HPSE2: variants seen among roughly 807,000 people sequenced by gnomAD.
The protein encoded by HPSE2 is heparanase 2 (inactive), also known as inactive heparanase-2.
Under a neutral mutation model 60.5 loss-of-function variants are expected in HPSE2, and 38 were observed. The observed-to-expected ratio is 0.63, with a 90% CI of 0.48 to 0.82. The LOEUF is 0.82. Ranked by LOEUF, HPSE2 falls within the 40% of genes least tolerant of loss-of-function variation. The pLI is 0.00. For missense variants in HPSE2, 713 were observed against 740.4 expected (o/e 0.96, Z 0.43); for synonymous variants, 295 against 293.2 (o/e 1.01, Z -0.06).
the HPSE2 span, among the ~76,000 whole-genome samples, chr10:99,313,959 G>A: frequency 3.3e-5 from 5 of 151,906 alleles, no homozygotes; most frequent in Admixed American, 2.0e-4. Context: ...ATAGCATCAC[G>A]TGCTACAGAG....
In HPSE2 at chr10:98,715,257, C is replaced by G. The variant is rs1409959222; in HGVS notation, c.956+6400G>C. On this transcript the variant is annotated intron_variant, in intron 5 of 11. Coordinates refer to ENST00000370552, the MANE Select transcript of HPSE2 (RefSeq NM_021828.5). ...TTAGTGTTGTATCTAAGAAATCACT[C>G]CTTAAACTTTATTAGAAAATTTCAG... is the stretch of plus-strand genomic sequence containing the variant. Among the ~76,000 whole-genome samples, 4 of 151,826 alleles carry G rather than the reference C, an allele frequency of 2.6e-5. No individual in the cohort carries two copies. The South Asian group carries it at 8.3e-4, about 31-fold the overall frequency.
At chr10:98,680,008 T>G (rs942277246) in intron 6 of HPSE2, among the ~76,000 whole-genome samples, 14 of 152,252 alleles carry the variant, frequency 9.2e-5, no homozygotes, top group African/African-American at 3.4e-4. Context: ...ATTGAAACAT[T>G]TTTTGAAAAC....
chr10:99,202,790 T>C (rs913572877), intron 2 of HPSE2, among the ~76,000 whole-genome samples: 1 of 152,006 alleles, frequency 6.6e-6, no homozygotes, highest in Non-Finnish European at 1.5e-5. Context: ...ACCTTCACAA[T>C]AGCTAAGAAA....
At chr10:98,828,505 C>T (rs984754404) in intron 3 of HPSE2, among the ~76,000 whole-genome samples, 2 of 152,150 alleles carry the variant, frequency 1.3e-5, no homozygotes, top group Admixed American at 6.5e-5. Context: ...CCCTAAAACT[C>T]AACAGCAAAA....
At chr10:98,813,273 G>A (rs1951209976) in intron 3 of HPSE2, among the ~76,000 whole-genome samples, 2 of 152,248 alleles carry the variant, frequency 1.3e-5, no homozygotes, top group Admixed American at 1.3e-4. Flanking sequence ...CATGTGACCA[G>A]AACTTCACAT....
chr10:99,238,659 T>A (rs1255510287), upstream of HPSE2, among the ~76,000 whole-genome samples: 2 of 152,224 alleles, frequency 1.3e-5, no homozygotes, highest in East Asian at 3.8e-4. Context: ...CCAGAGATAC[T>A]CTGCAAATAG....
Position 98,553,901 on chromosome 10 carries a change from C to A in HPSE2, c.1320+61003G>T, listed in dbSNP as rs1288122241. On this transcript the variant is annotated intron_variant, in intron 9 of 11. Coordinates refer to ENST00000370552, the MANE Select transcript of HPSE2 (RefSeq NM_021828.5). ...ACAGCCACATGTGTCTGTGTCCAGTCAGTCCTTTGGCCCCTGTTTCTTTTT... is the reference window on the plus strand; with the variant it reads ...ACAGCCACATGTGTCTGTGTCCAGTAAGTCCTTTGGCCCCTGTTTCTTTTT... Among the ~76,000 whole-genome samples, 5 of 152,164 alleles carry A rather than the reference C, an allele frequency of 3.3e-5. No homozygotes were observed. The East Asian group carries it at 9.6e-4, about 29-fold the overall frequency.
intron 3 of HPSE2, among the ~76,000 whole-genome samples, chr10:98,858,576 G>A (rs936246113): frequency 1.3e-5 from 2 of 152,280 alleles, no homozygotes; most frequent in South Asian, 4.1e-4. Context: ...CTAAAAGCTA[G>A]AGATTAAAAG....
chr10:99,098,893 A>G (rs186030308), intron 3 of HPSE2, among the ~76,000 whole-genome samples: 35 of 152,358 alleles, frequency 2.3e-4, no homozygotes, highest in African/African-American at 8.4e-4. Context: ...TAGTACATAA[A>G]GAGCAGGTCT....
intron 3 of HPSE2, among the ~76,000 whole-genome samples, chr10:98,913,649 A>G (rs989248896): frequency 6.6e-6 from 1 of 152,204 alleles, no homozygotes; most frequent in Non-Finnish European, 1.5e-5. Flanking sequence ...AAAGCTACCA[A>G]AATGAGCAGC....
chr10:98,922,265 G>A (rs1954302477), intron 3 of HPSE2, among the ~76,000 whole-genome samples: 1 of 152,156 alleles, frequency 6.6e-6, no homozygotes, highest in South Asian at 2.1e-4. Flanking sequence ...GTATGTCCAT[G>A]TGGAGAGTGG....
intron 3 of HPSE2, among the ~76,000 whole-genome samples, chr10:98,750,474 G>A (rs1949733809): frequency 6.6e-6 from 1 of 152,158 alleles, no homozygotes; most frequent in Admixed American, 6.5e-5. Context: ...AGACTGAAGG[G>A]GATGGGAAGA....
At chr10:98,763,490 GA>G (rs1159682935) in intron 3 of HPSE2, among the ~76,000 whole-genome samples, 1 of 145,850 alleles carries the variant, frequency 6.9e-6, no homozygotes, top group Non-Finnish European at 1.5e-5. Flanking sequence ...ACATATAAGA[GA>G]AAAATGATTT....
the HPSE2 span, among the ~76,000 whole-genome samples, chr10:99,250,543 A>G: frequency 6.6e-6 from 1 of 152,182 alleles, no homozygotes; most frequent in African/African-American, 2.4e-5. Flanking sequence ...CATCAACCAC[A>G]GAATATACAT....
At chr10:98,465,842 A>T (rs868633927) in intron 11 of HPSE2, among the ~76,000 whole-genome samples, 6 of 152,248 alleles carry the variant, frequency 3.9e-5, no homozygotes, top group African/African-American at 1.4e-4. Context: ...TATTTAAATT[A>T]TCCAAATATT....
the HPSE2 span, among the ~76,000 whole-genome samples, chr10:99,253,055 C>T: frequency 6.6e-6 from 1 of 152,022 alleles, no homozygotes; most frequent in African/African-American, 2.4e-5. Flanking sequence ...GGCCATATTG[C>T]CCAAAGCAAT....
At chr10:99,100,514 G>C (rs1589655381) in intron 3 of HPSE2, among the ~76,000 whole-genome samples, 1 of 152,206 alleles carries the variant, frequency 6.6e-6, no homozygotes, top group South Asian at 2.1e-4. Flanking sequence ...ATCTACATCT[G>C]ACTGGTGTAC....
chr10:98,766,894 C>T (rs550650191), intron 3 of HPSE2, among the ~76,000 whole-genome samples: 126 of 152,176 alleles, frequency 8.3e-4, no homozygotes, highest in Middle Eastern at 3.4e-3. Flanking sequence ...CACTGCACTC[C>T]AGCCTGGGTG....
intron 6 of HPSE2, among the ~76,000 whole-genome samples, chr10:98,687,729 T>G (rs1022728795): frequency 2.0e-5 from 3 of 152,074 alleles, no homozygotes; most frequent in Non-Finnish European, 4.4e-5. Flanking sequence ...TAATCCTCCT[T>G]TTTTTGAAGC....
Sources: allele counts gnomAD v4.1 joint callset (sites outside exome capture counted in the v4.1 genomes callset), GRCh38; gene constraint gnomAD v4.1.1; transcripts MANE v1.5; gene names NCBI Gene and HGNC (gene_info 2026-07-23, HGNC 2026-07-21).